Variants in SPON1 observed in about 807,000 individuals in gnomAD.
The protein encoded by SPON1 is spondin-1.
SPON1 carries 52 observed loss-of-function variants against 111.7 expected under a neutral mutation model. That is an observed-to-expected ratio of 0.47 (90% CI 0.37 to 0.59). The LOEUF (loss-of-function observed/expected upper bound fraction) is 0.59, where lower values mean the gene tolerates loss of function less well. SPON1 is among the 20% of genes least tolerant of loss of function. SPON1 has a pLI of 0.00. For synonymous variants in SPON1, 410 were observed against 395.8 expected, an observed-to-expected ratio of 1.04 and a Z score of -0.43; for missense variants, 957 against 1,068.5, an observed-to-expected ratio of 0.90 and a Z score of 1.46.
In SPON1 at chr11:14,178,381, C is replaced by T. The variant is rs940997966; in HGVS notation, c.825+42813C>T. Among the ~76,000 whole-genome samples, 6 of 150,488 alleles carry T rather than the reference C, an allele frequency of 4.0e-5. No individual in the cohort carries two copies. In the East Asian group the frequency reaches 1.2e-3, roughly 29 times the overall value. ...AGCTTGCAGTGAGCCGAGATTGCAC[C>T]ACTGCACTCCAGCCTGGGGAACAAA... is the stretch of plus-strand genomic sequence containing the variant. On this transcript the variant is annotated intron_variant, in intron 6 of 15. Coordinates refer to ENST00000576479, the MANE Select transcript of SPON1 (RefSeq NM_006108.4).
intron 3 of SPON1, among the ~76,000 whole-genome samples, chr11:14,053,897 A>G (rs533797562): frequency 6.6e-6 from 1 of 152,328 alleles, no homozygotes; most frequent in East Asian, 1.9e-4. Flanking sequence ...TTCATCTGGA[A>G]GAAGCGAGGG....
rs573094453 is a variant in SPON1, at chr11:14,195,444, T to A, written c.826-47888T>A. Among the ~76,000 whole-genome samples, 58 of 152,304 alleles carry A rather than the reference T, an allele frequency of 3.8e-4. No homozygotes were observed. The South Asian group carries it at 0.012, about 30-fold the overall frequency. On this transcript the variant is annotated intron_variant, in intron 6 of 15. Coordinates refer to ENST00000576479, the MANE Select transcript of SPON1 (RefSeq NM_006108.4). Reference sequence around the variant, plus strand: ...AATCAAAGGACAAAAGCTGGAATTATTAAACACAATACAACATAATGCCAC... The same window carrying A: ...AATCAAAGGACAAAAGCTGGAATTAATAAACACAATACAACATAATGCCAC...
intron 3 of SPON1, among the ~76,000 whole-genome samples, chr11:14,063,927 T>C (rs1848810983): frequency 6.6e-6 from 1 of 152,216 alleles, no homozygotes; most frequent in Non-Finnish European, 1.5e-5. Context: ...AAATGTTTCA[T>C]GATTCAGACC....
rs537855518 is a variant in SPON1 at position 14,146,384 on chromosome 11, A to G, written c.825+10816A>G. The stretch of plus-strand genomic sequence containing the variant: ...AGGCTGGTCTCGAACTCCTGACCTC[A>G]GGTGATCCACCTGCCTTGGCCTCCC... On this transcript the variant is annotated intron_variant, in intron 6 of 15. Coordinates refer to ENST00000576479, the MANE Select transcript of SPON1 (RefSeq NM_006108.4). Among the ~76,000 whole-genome samples the G allele has an allele frequency of 1.2e-3, 177 of 152,220 alleles. 1 individual carries two copies. Among genetic ancestry groups the G allele is most frequent in the Non-Finnish European group, 2.8e-4 (19 of 68,004 alleles).
At chr11:14,147,789 G>A (rs1591389042) in intron 6 of SPON1, among the ~76,000 whole-genome samples, 1 of 126,932 alleles carries the variant, frequency 7.9e-6, no homozygotes, top group Middle Eastern at 4.0e-3. Context: ...TAAACAAAGG[G>A]CTAATTTTTT....
chr11:14,158,759 G>A lies in SPON1; in HGVS notation c.825+23191G>A, dbSNP rs560167015. ...ATTCATTTTTTGTAGTTGTTCTTGG[G>A]AGATTGTTGGCCTCATATAAGCTCG... On this transcript the variant is annotated intron_variant, in intron 6 of 15. Coordinates refer to ENST00000576479, the MANE Select transcript of SPON1 (RefSeq NM_006108.4). Among the ~76,000 whole-genome samples the A allele has an allele frequency of 4.7e-4, 72 of 152,196 alleles. 1 individual carries two copies. The South Asian group carries it at 0.015, about 32-fold the overall frequency.
intron 6 of SPON1, among the ~76,000 whole-genome samples, chr11:14,139,496 G>A (rs1847627461): frequency 6.6e-6 from 1 of 152,074 alleles, no homozygotes; most frequent in Admixed American, 6.6e-5. Context: ...CCTGAGCTTG[G>A]CATAGTATTG....
intron 2 of SPON1, among the ~76,000 whole-genome samples, chr11:14,035,197 CT>C (rs1321112363): frequency 3.3e-5 from 5 of 152,068 alleles, no homozygotes; most frequent in African/African-American, 1.2e-4. Context: ...GAGAAATTTC[CT>C]GCCTATCATA....
intron 5 of SPON1, among the ~76,000 whole-genome samples, chr11:14,121,613 T>C (rs1340340100): frequency 6.6e-6 from 1 of 152,122 alleles, no homozygotes; most frequent in Admixed American, 6.5e-5. Context: ...AACTTGAACC[T>C]CTTTACTTAA....
chr11:14,160,727 T>TTA (rs1453130490), intron 6 of SPON1, among the ~76,000 whole-genome samples: 284 of 12,718 alleles, frequency 0.022, 75 homozygotes, highest in African/African-American at 0.13. Context: ...ATTTATATAT[T>TTA]TATATATATT....
chr11:13,989,615 C>T (rs1162011146), intron 2 of SPON1, among the ~76,000 whole-genome samples: 1 of 152,082 alleles, frequency 6.6e-6, no homozygotes, highest in Admixed American at 6.6e-5. Flanking sequence ...TGTTGCTTCT[C>T]TAGTTCTTTT....
At chr11:14,161,549 C>A (rs1247026307) in intron 6 of SPON1, among the ~76,000 whole-genome samples, 3 of 151,406 alleles carry the variant, frequency 2.0e-5, no homozygotes, top group Non-Finnish European at 4.4e-5. Flanking sequence ...AAACTCCTGA[C>A]CTCAGGTGAT....
chr11:14,062,602 G>T (rs1291191751), intron 3 of SPON1, among the ~76,000 whole-genome samples: 4 of 152,196 alleles, frequency 2.6e-5, no homozygotes, highest in Admixed American at 6.5e-5. Context: ...GACCATGTCA[G>T]CCCAGAGAAA....
intron 5 of SPON1, among the ~76,000 whole-genome samples, chr11:14,092,781 C>G (rs1554923537): frequency 6.6e-6 from 1 of 152,114 alleles, no homozygotes; most frequent in African/African-American, 2.4e-5. Flanking sequence ...CGCATTTTAA[C>G]TTATCATGTA....
intron 6 of SPON1, among the ~76,000 whole-genome samples, chr11:14,201,265 A>G (rs1275846655): frequency 6.6e-6 from 1 of 151,416 alleles, no homozygotes; most frequent in Non-Finnish European, 1.5e-5. Context: ...GCGTGAACCC[A>G]GGAGGCAGAG....
At chr11:14,143,245 G>T (rs887556603) in intron 6 of SPON1, among the ~76,000 whole-genome samples, 14 of 152,316 alleles carry the variant, frequency 9.2e-5, no homozygotes, top group Middle Eastern at 3.4e-3. Context: ...CAGTGGCTGT[G>T]GGCAGGGCAG....
rs530441670 is a variant in SPON1 at position 14,017,730 on chromosome 11, C to T, written c.346-23791C>T. On this transcript the variant is annotated intron_variant, in intron 2 of 15. Coordinates refer to ENST00000576479, the MANE Select transcript of SPON1 (RefSeq NM_006108.4). ...CTTTCCAAATATTTGCAAAATTGGA[C>T]GCTTGAATAGAAGACCTTCACCAAA... 7.2e-4 allele frequency among the ~76,000 whole-genome samples: 109 copies of T among 152,272 alleles called. 1 individual carries two copies. The highest frequency in any genetic ancestry group is 2.3e-3 in the African/African-American group (96 of 41,558).
intron 2 of SPON1, among the ~76,000 whole-genome samples, chr11:14,038,603 G>A (rs185033191): frequency 3.3e-5 from 5 of 152,272 alleles, no homozygotes; most frequent in Admixed American, 2.6e-4. Context: ...ATAAAAATAT[G>A]TTCAACATCA....
Position 14,257,695 on chromosome 11 carries a change from C to T in SPON1, c.1310-21C>T, listed in dbSNP as rs782372366. 13 of 1,579,360 alleles carry T rather than the reference C, an allele frequency of 8.2e-6. No individual in the cohort carries two copies. In the Middle Eastern group the frequency reaches 5.0e-4, roughly 61 times the overall value. The stretch of plus-strand genomic sequence containing the variant: ...AGCTCCCATAGGTTCCCAGGGAAAA[C>T]ATGTCAAACACTCTTTCCAGATGAC... On this transcript the variant is annotated intron_variant, in intron 10 of 15. Coordinates refer to ENST00000576479, the MANE Select transcript of SPON1 (RefSeq NM_006108.4).
Sources: allele counts gnomAD v4.1 joint callset (sites outside exome capture counted in the v4.1 genomes callset), GRCh38; gene constraint gnomAD v4.1.1; transcripts MANE v1.5; gene names NCBI Gene and HGNC (gene_info 2026-07-23, HGNC 2026-07-21).